Variants in IPO7 observed in about 807,000 individuals in gnomAD.
IPO7 encodes the protein importin 7.
In IPO7, 13 loss-of-function variants were observed where a neutral mutation model predicts 136.4. The observed-to-expected ratio is 0.10, with a 90% CI of 0.06 to 0.15. The LOEUF is 0.15. IPO7 is among the 10% of genes least tolerant of loss of function. The pLI, the probability that IPO7 is intolerant of heterozygous loss-of-function variation, is 1.00. For missense variants in IPO7, 857 were observed against 1,240.6 expected, an observed-to-expected ratio of 0.69 and a Z score of 4.65; for synonymous variants, 403 against 404.4, an observed-to-expected ratio of 1.00 and a Z score of 0.04.
At chr11:9,399,000 G>A (rs1854754670) in intron 1 of IPO7, among the ~76,000 whole-genome samples, 1 of 152,154 alleles carries the variant, frequency 6.6e-6, no homozygotes, top group Non-Finnish European at 1.5e-5. Context: ...CTTGGAAGGT[G>A]CAGTAGAAAG....
At chr11:9,425,121 A>G (rs369766756) in intron 11 of IPO7, 25 bp from the exon 12 acceptor site, 1 of 1,459,126 alleles carries the variant, frequency 6.9e-7, no homozygotes, top group Admixed American at 1.7e-5. Context: ...CTATTCAGTA[A>G]CAATACTTTT....
chr11:9,443,734 C>A (rs1855490299), intron 24 of IPO7, among the ~76,000 whole-genome samples: 2 of 150,232 alleles, frequency 1.3e-5, no homozygotes, highest in Non-Finnish European at 3.0e-5. Context: ...GAGACATCAT[C>A]TCTACAAAAA....
At chr11:9,425,123 A>T (rs763877426) in intron 11 of IPO7, 23 bp from the exon 12 acceptor site, 18 of 1,470,652 alleles carry the variant, frequency 1.2e-5, no homozygotes, top group Middle Eastern at 2.4e-4. Context: ...ATTCAGTAAC[A>T]ATACTTTTCT....
At chr11:9,413,933 C>CT (rs1855003548) in intron 4 of IPO7, among the ~76,000 whole-genome samples, 1 of 151,776 alleles carries the variant, frequency 6.6e-6, no homozygotes, top group Non-Finnish European at 1.5e-5. Flanking sequence ...TTCCAGTTGC[C>CT]TAGGTTCATG....
chr11:9,388,323 G>A (rs969618546), intron 1 of IPO7, among the ~76,000 whole-genome samples: 21 of 150,514 alleles, frequency 1.4e-4, no homozygotes, highest in Admixed American at 9.3e-4. Flanking sequence ...GATTACAGGC[G>A]TTTGCCACCA....
intron 1 of IPO7, among the ~76,000 whole-genome samples, chr11:9,397,929 T>G (rs894361061): frequency 6.6e-6 from 1 of 152,236 alleles, no homozygotes; most frequent in Non-Finnish European, 1.5e-5. Context: ...CTGAATCAAC[T>G]TGTTGAAGGC....
chr11:9,388,832 G>T (rs1406733690), intron 1 of IPO7, among the ~76,000 whole-genome samples: 1 of 152,118 alleles, frequency 6.6e-6, no homozygotes, highest in South Asian at 2.1e-4. Context: ...CTCCCAGGTG[G>T]CTGGGACTGC....
chr11:9,399,422 A>G (rs1211219562), intron 1 of IPO7, among the ~76,000 whole-genome samples: 2 of 152,122 alleles, frequency 1.3e-5, no homozygotes, highest in Admixed American at 6.6e-5. Flanking sequence ...CGGCCTCCCA[A>G]AGTGCTGGGA....
intron 6 of IPO7, among the ~76,000 whole-genome samples, chr11:9,417,762 G>A (rs1344093029): frequency 6.6e-6 from 1 of 150,398 alleles, no homozygotes; most frequent in Non-Finnish European, 1.5e-5. Context: ...GCCTAGGCTG[G>A]AGTGCAGTGG....
At position 9,447,327 on chromosome 11, in the gene IPO7, C is replaced by T. The variant is rs1855542984; in HGVS notation, c.*2133C>T. 6.6e-6 allele frequency: 1 copy of T among 152,122 alleles called. No homozygotes were observed. The highest frequency in any genetic ancestry group is 2.1e-4 in the South Asian group (1 of 4,834). 9.4% of individuals were successfully genotyped at this position (152,122 alleles called of 1,614,324 possible). ...TCTTTGAGAACATGTTTTATTGTCT[C>T]CTGTGTCATATAATCCAAACTAATC... On this transcript the variant is annotated 3_prime_UTR_variant, in exon 25 of 25. Coordinates refer to ENST00000379719, the MANE Select transcript of IPO7 (RefSeq NM_006391.3).
intron 1 of IPO7, among the ~76,000 whole-genome samples, chr11:9,397,341 A>AATATATAT (rs1398990687): frequency 0.014 from 149 of 10,774 alleles, 20 homozygotes; most frequent in Non-Finnish European, 0.022. Context: ...TTTAAAAAAA[A>AATATATAT]ATATATATAT....
chr11:9,390,674 C>T (rs1202879638), intron 1 of IPO7, among the ~76,000 whole-genome samples: 1 of 152,088 alleles, frequency 6.6e-6, no homozygotes, highest in Non-Finnish European at 1.5e-5. Context: ...AGAGTTTGGG[C>T]GCAGTGGCTC....
At chr11:9,419,790 C>G (rs1312390179) in intron 6 of IPO7, among the ~76,000 whole-genome samples, 1 of 151,832 alleles carries the variant, frequency 6.6e-6, no homozygotes, top group Non-Finnish European at 1.5e-5. Context: ...ATATCTGAAA[C>G]TAGATTTCTG....
At chr11:9,423,504 CTTTA>C (rs1226270514) in intron 9 of IPO7, among the ~76,000 whole-genome samples, 1 of 151,996 alleles carries the variant, frequency 6.6e-6, no homozygotes, top group Admixed American at 6.6e-5. Context: ...AATTTATGTG[CTTTA>C]TTTAGAGCTG....
intron 1 of IPO7, among the ~76,000 whole-genome samples, chr11:9,390,294 TG>T (rs1302816958): frequency 6.1e-5 from 9 of 147,684 alleles, no homozygotes; most frequent in African/African-American, 2.1e-4. Flanking sequence ...TGTGTGTGTG[TG>T]TTTTTTTTTT....
intron 10 of IPO7, among the ~76,000 whole-genome samples, chr11:9,424,093 T>A (rs1855170587): frequency 6.6e-6 from 1 of 152,208 alleles, no homozygotes; most frequent in Non-Finnish European, 1.5e-5. Flanking sequence ...TAAGTTTTTA[T>A]TACTGAATAC....
Position 9,434,965 on chromosome 11 carries a change from A to G in IPO7, c.2106A>G (p.Thr702=). ...DMMPLLHNYV[T]VDTDTLLSDT... Reference sequence around the variant, plus strand: ...TGCCCCTCCTTCATAATTATGTAACAGTTGATACAGACACACTTCTGTCTG... The same window carrying G: ...TGCCCCTCCTTCATAATTATGTAACGGTTGATACAGACACACTTCTGTCTG... The change falls in exon 19 of 25, where the codon ACA becomes ACG. Residue 702 remains threonine (T), a synonymous_variant. Transcript: ENST00000379719. 1.2e-6 allele frequency: 2 copies of G among 1,604,210 alleles called. No individual in the cohort carries two copies. Among genetic ancestry groups the G allele is most frequent in the African/African-American group, 1.3e-5 (1 of 74,800 alleles).
chr11:9,411,546 A>G (rs1854968311), intron 4 of IPO7, among the ~76,000 whole-genome samples: 1 of 152,154 alleles, frequency 6.6e-6, no homozygotes, highest in East Asian at 1.9e-4. Context: ...GGTTGGGAAT[A>G]GTTTTGGACT....
At chr11:9,423,215 A>G in intron 9 of IPO7, 75 bp downstream of exon 9, 1 of 1,012,194 alleles carries the variant, frequency 9.9e-7, no homozygotes, top group Middle Eastern at 2.4e-4. Flanking sequence ...AGGTTGAAAA[A>G]TTGCATGTTT....
Sources: gnomAD v4.1 joint callset for allele counts (sites outside exome capture counted in the v4.1 genomes callset) on GRCh38, gnomAD v4.1.1 for gene constraint, MANE v1.5 for transcripts, NCBI Gene and HGNC (gene_info 2026-07-23, HGNC 2026-07-21) for gene names.